CD300LF: variants seen among roughly 807,000 people sequenced by gnomAD.
CD300LF encodes the protein CMRF35-like molecule 1.
In CD300LF, 27 loss-of-function variants were observed where a neutral mutation model predicts 32.2. The ratio of observed to expected loss-of-function variants is 0.84; its 90% confidence interval spans 0.62 to 1.15. The LOEUF (loss-of-function observed/expected upper bound fraction) is 1.15, where lower values mean the gene tolerates loss of function less well. Among genes scored for constraint, CD300LF ranks in the 50% most tolerant of loss-of-function variants. The pLI is 0.00. For missense variants in CD300LF, 348 were observed against 356.8 expected (o/e 0.98, Z 0.20); for synonymous variants, 139 against 143.2 (o/e 0.97, Z 0.21).
Position 74,695,813 on chromosome 17 carries a change from A to T in CD300LF, c.629T>A (p.Leu210Gln), listed in dbSNP as rs774007153. 3 of 1,614,170 alleles carry T rather than the reference A, an allele frequency of 1.9e-6. No individual in the cohort carries two copies. Among genetic ancestry groups the T allele is most frequent in the Admixed American group, 1.7e-5 (1 of 60,020 alleles). Residue 210 changes from leucine to glutamine, a missense_variant, in exon 6 of 7, where the codon CTG (leucine) becomes CAG (glutamine). Coordinates refer to ENST00000326165, the MANE Select transcript of CD300LF (RefSeq NM_139018.5). ...TTGCGGGGAGGTTCCGGCCAGCTGC[A>T]GGGTCAGGTCTGCATAGCAGAGGTC... ...EGDLCYADLT[L>Q]QLAGTSPQKA...
At position 74,698,480 on chromosome 17, in the gene CD300LF, G is replaced by C; in HGVS notation, c.448C>G (p.His150Asp). ...AGGACACTGAGCTTCAGGAGCTTGTGCCTAGAAACAATGGCAAGCGTCCCC... is the reference window on the plus strand; with the variant it reads ...AGGACACTGAGCTTCAGGAGCTTGTCCCTAGAAACAATGGCAAGCGTCCCC... ...TLTGHHLDNRHKLLKLSVLLP... is the reference protein window; with the variant it reads ...TLTGHHLDNRDKLLKLSVLLP... The change falls in exon 4 of 7, where the codon CAC becomes GAC. Residue 150 changes from histidine (H) to aspartate (D), a missense_variant and splice_region_variant. Coordinates refer to ENST00000326165, the MANE Select transcript of CD300LF (RefSeq NM_139018.5). 6.2e-7 allele frequency: 1 copy of C among 1,613,042 alleles called. No individual in the cohort carries two copies. Among genetic ancestry groups the C allele is most frequent in the Non-Finnish European group, 8.5e-7 (1 of 1,179,488 alleles).
intron 3 of CD300LF, among the ~76,000 whole-genome samples, chr17:74,699,230 G>A (rs977428461): frequency 6.6e-6 from 1 of 152,034 alleles, no homozygotes; most frequent in Non-Finnish European, 1.5e-5. Context: ...ACAAAAGATA[G>A]TTTTTAAAAG....
At chr17:74,695,511 C>T (rs1426289389) in intron 6 of CD300LF, among the ~76,000 whole-genome samples, 1 of 152,206 alleles carries the variant, frequency 6.6e-6, no homozygotes, top group Admixed American at 6.5e-5. Context: ...CTCTGCTGCC[C>T]ACGTGGGGAC....
At chr17:74,705,179 G>A in intron 1 of CD300LF, 3 of 696,204 alleles carry the variant, frequency 4.3e-6, no homozygotes, top group Non-Finnish European at 2.6e-6. Context: ...GAAATACCAG[G>A]AGACCCCTTT....
chr17:74,697,513 G>A (rs1394637514), intron 4 of CD300LF, among the ~76,000 whole-genome samples: 1 of 152,222 alleles, frequency 6.6e-6, no homozygotes, highest in Non-Finnish European at 1.5e-5. Context: ...CAAACTAACA[G>A]AGAGTCAGGC....
rs774013701 is a variant in CD300LF, at chr17:74,704,594, C to A, written c.266G>T (p.Arg89Leu). ...ATCCTCCATGGTCACAGTGAACGTG[C>A]GGTTTTTCTGATTGTCCTTGATGGA... Reference protein sequence around the residue: ...RVSIKDNQKNRTFTVTMEDLM... With the variant: ...RVSIKDNQKNLTFTVTMEDLM... The change falls in exon 2 of 7, where the codon CGC (arginine) becomes CTC (leucine). Residue 89 changes from arginine to leucine, a missense_variant. Transcript: ENST00000326165. The A allele has an allele frequency of 6.2e-7, 1 of 1,614,148 alleles. No homozygotes were observed. The highest frequency in any genetic ancestry group is 8.5e-7 in the Non-Finnish European group (1 of 1,180,006).
At chr17:74,698,623 TG>T in intron 3 of CD300LF, 142 bp from the exon 4 acceptor site, 1 of 1,482,454 alleles carries the variant, frequency 6.7e-7, no homozygotes, top group Admixed American at 2.2e-5. Context: ...CCCTCACTCC[TG>T]GGGATCCTCA....
chr17:74,695,665 G>A (rs2032379755), intron 6 of CD300LF, 60 bp downstream of exon 6: 2 of 1,610,452 alleles, frequency 1.2e-6, no homozygotes, highest in Non-Finnish European at 8.5e-7. Context: ...CCAACGGGGT[G>A]CAACGGCAGG....
chr17:74,698,330 C>T (rs776704853), intron 4 of CD300LF, 39 bp downstream of exon 4: 13 of 1,425,802 alleles, frequency 9.1e-6, no homozygotes, highest in South Asian at 3.5e-5. Flanking sequence ...CCCAGCCACC[C>T]GGCCCAGTCT....
At chr17:74,711,950 G>C (rs2033999632) in intron 1 of CD300LF, among the ~76,000 whole-genome samples, 1 of 126,012 alleles carries the variant, frequency 7.9e-6, no homozygotes, top group Non-Finnish European at 1.6e-5. Flanking sequence ...TGTCACCCAT[G>C]CTGGAAGGCA....
In CD300LF at chr17:74,703,051, G is replaced by A; in HGVS notation, c.430C>T (p.His144Tyr). Residue 144 changes from histidine (H) to tyrosine (Y), a missense_variant, in exon 3 of 7, where the codon CAC becomes TAC. Physicochemically the swap from His to Tyr is moderately conservative, Grantham distance 83. Coordinates refer to ENST00000326165, the MANE Select transcript of CD300LF (RefSeq NM_139018.5). The stretch of plus-strand genomic sequence containing the variant: ...CTGGCTTACCTGTTGTCCAAGTGGT[G>A]GCCGGTCAGAGTTGGGGAGCTGCTA... ...ETSSSPTLTGHHLDNRHKLLK... is the reference protein window; with the variant it reads ...ETSSSPTLTGYHLDNRHKLLK... 2.5e-6 allele frequency: 4 copies of A among 1,613,896 alleles called. No homozygotes were observed. The highest frequency in any genetic ancestry group is 1.1e-5 in the South Asian group (1 of 91,076).
chr17:74,704,043 G>A (rs2033300710), intron 2 of CD300LF, among the ~76,000 whole-genome samples: 1 of 152,180 alleles, frequency 6.6e-6, no homozygotes, highest in African/African-American at 2.4e-5. Context: ...CCCCAGGTTA[G>A]ATATGGAATG....
chr17:74,702,017 T>C (rs1304175324), intron 3 of CD300LF, among the ~76,000 whole-genome samples: 3 of 150,048 alleles, frequency 2.0e-5, no homozygotes, highest in Non-Finnish European at 4.4e-5. Flanking sequence ...CAAGACTGTC[T>C]AAAAATAAAA....
chr17:74,699,472 G>A (rs2032838186), intron 3 of CD300LF, among the ~76,000 whole-genome samples: 2 of 152,108 alleles, frequency 1.3e-5, no homozygotes, highest in African/African-American at 4.8e-5. Context: ...CTGATCCAGC[G>A]ACTGGTGTCC....
chr17:74,699,656 G>T (rs573325097), intron 3 of CD300LF, among the ~76,000 whole-genome samples: 50 of 152,094 alleles, frequency 3.3e-4, no homozygotes, highest in Non-Finnish European at 6.5e-4. Flanking sequence ...CCCCAGGGTG[G>T]CAACAGCCCT....
chr17:74,704,583 C>T lies in CD300LF; in HGVS notation c.277G>A (p.Val93Met). The change falls in exon 2 of 7, where the codon GTG becomes ATG. Residue 93 changes from valine to methionine, a missense_variant. Physicochemically the swap from Val to Met is conservative, Grantham distance 21 (BLOSUM62 1). Transcript: ENST00000326165. The part of the protein sequence containing the change: ...KDNQKNRTFT[V>M]TMEDLMKTDA... ...GTTTTCATGAGATCCTCCATGGTCA[C>T]AGTGAACGTGCGGTTTTTCTGATTG... 6.2e-7 allele frequency: 1 copy of T among 1,614,208 alleles called. No homozygotes were observed. The highest frequency in any genetic ancestry group is 8.5e-7 in the Non-Finnish European group (1 of 1,180,034).
chr17:74,703,262 G>A (rs9675012), intron 2 of CD300LF, 164 bp from the exon 3 acceptor site: 7 of 738,160 alleles, frequency 9.5e-6, no homozygotes, highest in South Asian at 8.6e-5. Flanking sequence ...TATGGGAAGG[G>A]GCTGCAGCCT....
chr17:74,705,225 C>A (rs1329842592), intron 1 of CD300LF: 1 of 702,338 alleles, frequency 1.4e-6, no homozygotes, highest in Non-Finnish European at 2.6e-6. Context: ...GCACTGATGA[C>A]CCTCATGAGG....
intron 1 of CD300LF, among the ~76,000 whole-genome samples, chr17:74,709,023 G>A (rs1057280647): frequency 2.0e-5 from 3 of 151,086 alleles, no homozygotes; most frequent in Non-Finnish European, 2.9e-5. Context: ...AAGAGATCGA[G>A]ACAATCCTGG....
Sources: gnomAD v4.1 joint callset for allele counts (sites outside exome capture counted in the v4.1 genomes callset) on GRCh38, gnomAD v4.1.1 for gene constraint, MANE v1.5 for transcripts, NCBI Gene and HGNC (gene_info 2026-07-23, HGNC 2026-07-21) for gene names.